Variants in MCTP1 observed in about 807,000 individuals in gnomAD.
MCTP1 encodes the protein multiple C2 and transmembrane domain containing 1.
MCTP1 carries 69 observed loss-of-function variants against 120.6 expected under a neutral mutation model. That is an observed-to-expected ratio of 0.57 (90% CI 0.47 to 0.70). The LOEUF is 0.70. MCTP1 is among the 30% of genes least tolerant of loss of function. The pLI, the probability that MCTP1 is intolerant of heterozygous loss-of-function variation, is 0.00. For missense variants in MCTP1, 1,203 were observed against 1,248.8 expected (o/e 0.96, Z 0.55); for synonymous variants, 529 against 493.1 (o/e 1.07, Z -0.96).
At chr5:95,208,492 T>C (rs560765012) in intron 1 of MCTP1, among the ~76,000 whole-genome samples, 1 of 152,272 alleles carries the variant, frequency 6.6e-6, no homozygotes, top group African/African-American at 2.4e-5. Flanking sequence ...TATGAAATAT[T>C]TTCCCATGTT....
intron 12 of MCTP1, chr5:94,877,520 G>A (rs888380794): frequency 6.6e-6 from 1 of 151,638 alleles, no homozygotes; most frequent in South Asian, 2.1e-4. Context: ...CTTTTTTGGG[G>A]GTGAAAAGCC....
chr5:95,144,538 C>T (rs1760214137), intron 1 of MCTP1, among the ~76,000 whole-genome samples: 1 of 152,028 alleles, frequency 6.6e-6, no homozygotes, highest in Non-Finnish European at 1.5e-5. Context: ...AGGTCTTACC[C>T]TTAAATGTTT....
intron 1 of MCTP1, among the ~76,000 whole-genome samples, chr5:95,163,564 G>A (rs1456114580): frequency 6.6e-6 from 1 of 152,180 alleles, no homozygotes; most frequent in Non-Finnish European, 1.5e-5. Context: ...CACGTGTTGG[G>A]TAACACTGCA....
chr5:94,755,335 TA>T (rs1479476809), intron 19 of MCTP1, among the ~76,000 whole-genome samples: 1 of 152,118 alleles, frequency 6.6e-6, no homozygotes, highest in Non-Finnish European at 1.5e-5. Flanking sequence ...TGATTCCTTT[TA>T]AAGAGTGAGT....
intron 2 of MCTP1, among the ~76,000 whole-genome samples, chr5:95,015,023 AT>A (rs564194625): frequency 9.2e-5 from 14 of 151,920 alleles, no homozygotes; most frequent in African/African-American, 1.7e-4. Flanking sequence ...GATTGTTAGC[AT>A]TTTTTTTAGC....
intron 2 of MCTP1, among the ~76,000 whole-genome samples, chr5:94,983,661 G>GTCAATCTATCTA (rs1357815406): frequency 0.043 from 696 of 16,070 alleles, 2 homozygotes; most frequent in African/African-American, 0.084. Flanking sequence ...CTGTCTGTCT[G>GTCAATCTATCTA]TCTGTCAATC....
intron 12 of MCTP1, among the ~76,000 whole-genome samples, chr5:94,873,558 T>C (rs928596708): frequency 4.6e-5 from 7 of 152,134 alleles, no homozygotes; most frequent in African/African-American, 1.7e-4. Flanking sequence ...GAGAATGTGA[T>C]GCATGTCCAT....
chr5:94,741,405 CT>C (rs1355754190), intron 19 of MCTP1, among the ~76,000 whole-genome samples: 1 of 152,174 alleles, frequency 6.6e-6, no homozygotes, highest in East Asian at 1.9e-4. Context: ...TGAAGAGACC[CT>C]CTGGTTTCTA....
intron 1 of MCTP1, among the ~76,000 whole-genome samples, chr5:95,246,153 G>A (rs1414387976): frequency 1.3e-5 from 2 of 152,126 alleles, no homozygotes; most frequent in African/African-American, 4.8e-5. Context: ...CACCAGGCCT[G>A]CATTACAAGA....
chr5:94,736,442 C>T (rs1377782427), intron 19 of MCTP1, among the ~76,000 whole-genome samples: 2 of 152,106 alleles, frequency 1.3e-5, no homozygotes, highest in Admixed American at 1.3e-4. Context: ...GAAATTGTGC[C>T]ACTGCACTCC....
At chr5:94,901,349 C>T (rs1253557642) in intron 10 of MCTP1, among the ~76,000 whole-genome samples, 1 of 152,150 alleles carries the variant, frequency 6.6e-6, no homozygotes, top group African/African-American at 2.4e-5. Context: ...GGGTCCCTCC[C>T]ACACAATGGA....
chr5:94,759,266 C>G (rs952909582), intron 19 of MCTP1, among the ~76,000 whole-genome samples: 2 of 152,096 alleles, frequency 1.3e-5, no homozygotes, highest in African/African-American at 4.8e-5. Flanking sequence ...GTTCTGGATA[C>G]CAGGTGTGTA....
chr5:95,219,450 A>G (rs1430099008), intron 1 of MCTP1, among the ~76,000 whole-genome samples: 1 of 152,210 alleles, frequency 6.6e-6, no homozygotes, highest in Non-Finnish European at 1.5e-5. Flanking sequence ...ACTTAAAAGA[A>G]AAACATTAGG....
chr5:94,815,398 C>T (rs964898020), intron 17 of MCTP1, among the ~76,000 whole-genome samples: 1 of 152,208 alleles, frequency 6.6e-6, no homozygotes, highest in Non-Finnish European at 1.5e-5. Context: ...ATTTCTCTAT[C>T]TATCAATTGC....
At chr5:94,938,695 A>C (rs1354705931) in intron 5 of MCTP1, among the ~76,000 whole-genome samples, 4 of 151,988 alleles carry the variant, frequency 2.6e-5, no homozygotes, top group Admixed American at 6.6e-5. Context: ...AGTGTCTGGC[A>C]CAGGAACTGG....
intron 1 of MCTP1, among the ~76,000 whole-genome samples, chr5:95,163,025 T>G (rs1209529629): frequency 1.3e-5 from 2 of 152,154 alleles, no homozygotes; most frequent in Non-Finnish European, 2.9e-5. Flanking sequence ...TTTAATTTTA[T>G]TAATATTAAC....
chr5:95,240,874 C>T (rs1248956769), intron 1 of MCTP1, among the ~76,000 whole-genome samples: 3 of 151,990 alleles, frequency 2.0e-5, no homozygotes, highest in South Asian at 4.2e-4. Context: ...GTTAAATCCT[C>T]GTATTTCCTT....
intron 3 of MCTP1, among the ~76,000 whole-genome samples, chr5:94,944,833 T>C (rs1818545023): frequency 6.6e-6 from 1 of 152,174 alleles, no homozygotes; most frequent in Non-Finnish European, 1.5e-5. Flanking sequence ...AGAGGGAGCA[T>C]TGCTCTAAGT....
chr5:95,181,338 T>C (rs962159577), intron 1 of MCTP1, among the ~76,000 whole-genome samples: 2 of 152,250 alleles, frequency 1.3e-5, no homozygotes, highest in African/African-American at 4.8e-5. Flanking sequence ...TACATTCTGC[T>C]GTTTTTATAC....
Sources: gnomAD v4.1 joint callset for allele counts (sites outside exome capture counted in the v4.1 genomes callset) on GRCh38, gnomAD v4.1.1 for gene constraint, MANE v1.5 for transcripts, NCBI Gene and HGNC (gene_info 2026-07-23, HGNC 2026-07-21) for gene names.